Variants in SYT14 observed in about 807,000 individuals in gnomAD.
SYT14 encodes synaptotagmin 14.
In SYT14, 32 loss-of-function variants were observed where a neutral mutation model predicts 74.2. The ratio of observed to expected loss-of-function variants is 0.43; its 90% CI spans 0.33 to 0.58. SYT14 has a LOEUF of 0.58. Ranked by LOEUF, SYT14 falls within the 20% of genes least tolerant of loss-of-function variation. The probability of loss-of-function intolerance (pLI) is 0.05; values close to 1 mark genes in which losing one functional copy is unlikely to be tolerated. For missense variants in SYT14, 791 were observed against 981.8 expected (o/e 0.81, Z 2.60); for synonymous variants, 298 against 337.7 (o/e 0.88, Z 1.29).
At chr1:210,156,564 G>A (rs2083270794) in intron 8 of SYT14, among the ~76,000 whole-genome samples, 1 of 151,696 alleles carries the variant, frequency 6.6e-6, no homozygotes, top group Admixed American at 6.6e-5. Context: ...TTCTCTCTCT[G>A]GATCTCTCTC....
chr1:210,014,349 C>G (rs1226477517), intron 3 of SYT14, among the ~76,000 whole-genome samples: 1 of 151,038 alleles, frequency 6.6e-6, no homozygotes, highest in Admixed American at 6.6e-5. Flanking sequence ...TATAGTGTTA[C>G]TAGATACTAG....
At position 210,003,925 on chromosome 1, in the gene SYT14, C is replaced by T. The variant is rs1203576143; in HGVS notation, c.-485-9708C>T. ...AAATGCTGTTTCTGTTTGTTTTATT[C>T]TGCTTTTTAATTTTTTTTCCTTATT... On this transcript the variant is annotated intron_variant, in intron 2 of 9. Coordinates refer to ENST00000637265, the Ensembl canonical transcript of SYT14. Among the ~76,000 whole-genome samples the T allele has an allele frequency of 4.0e-5, 6 of 151,688 alleles. No individual in the cohort carries two copies. The East Asian group carries it at 1.2e-3, about 29-fold the overall frequency.
At chr1:210,038,804 C>T (rs1310480417) in intron 5 of SYT14, among the ~76,000 whole-genome samples, 1 of 152,018 alleles carries the variant, frequency 6.6e-6, no homozygotes, top group South Asian at 2.1e-4. Flanking sequence ...TTGGGATTTC[C>T]TTTATAGGTG....
intron 2 of SYT14, among the ~76,000 whole-genome samples, chr1:209,969,685 C>T (rs2079215250): frequency 6.6e-6 from 1 of 151,916 alleles, no homozygotes; most frequent in Non-Finnish European, 1.5e-5. Context: ...GACGGGGTTT[C>T]ACCGTGTTAG....
chr1:210,007,669 A>G lies in SYT14; in HGVS notation c.-485-5964A>G, dbSNP rs996195119. Among the ~76,000 whole-genome samples the G allele has an allele frequency of 2.6e-5, 4 of 152,228 alleles. No homozygotes were observed. In the East Asian group the frequency reaches 5.8e-4, roughly 22 times the overall value. On this transcript the variant is annotated intron_variant, in intron 2 of 9. Coordinates refer to ENST00000637265, the Ensembl canonical transcript of SYT14. ...TTGCACATAATATATATAGTGAGCT[A>G]TGTTACTTTGGTCATATAGCTTTTT...
At chr1:210,042,344 T>G (rs1366012160) in intron 5 of SYT14, among the ~76,000 whole-genome samples, 1 of 152,234 alleles carries the variant, frequency 6.6e-6, no homozygotes, top group Admixed American at 6.5e-5. Flanking sequence ...AAGTTTCTTT[T>G]GCTGTGCAGA....
At chr1:210,072,504 T>C (rs889060270) in intron 5 of SYT14, among the ~76,000 whole-genome samples, 1 of 152,020 alleles carries the variant, frequency 6.6e-6, no homozygotes, top group South Asian at 2.1e-4. Flanking sequence ...TATTATATTT[T>C]TCTACTAAAG....
At chr1:209,981,320 T>C (rs2079480254) in intron 2 of SYT14, among the ~76,000 whole-genome samples, 1 of 152,208 alleles carries the variant, frequency 6.6e-6, no homozygotes, top group African/African-American at 2.4e-5. Context: ...TTGGTGGTAA[T>C]GAATTTTCTT....
At chr1:209,947,472 G>C (rs192901523) in intron 1 of SYT14, among the ~76,000 whole-genome samples, 1 of 152,330 alleles carries the variant, frequency 6.6e-6, no homozygotes, top group Non-Finnish European at 1.5e-5. Flanking sequence ...AGTGGGGGAA[G>C]TCACTACAGA....
At chr1:210,046,376 G>T (rs557783483) in intron 5 of SYT14, among the ~76,000 whole-genome samples, 3 of 152,042 alleles carry the variant, frequency 2.0e-5, no homozygotes, top group Non-Finnish European at 4.4e-5. Context: ...TCAGTCTCAA[G>T]TAGAAAACAA....
Position 210,144,875 on chromosome 1 carries a change from G to T in SYT14, c.2035-10846G>T, listed in dbSNP as rs111759227. On this transcript the variant is annotated intron_variant, in intron 7 of 9. Transcript: ENST00000637265. Reference sequence around the variant, plus strand: ...ATATGCTGAGTGACCAATTTAAAAAGCTCACACTTCCCCCAGGTGTAAATG... The same window carrying T: ...ATATGCTGAGTGACCAATTTAAAAATCTCACACTTCCCCCAGGTGTAAATG... 1.6e-3 allele frequency among the ~76,000 whole-genome samples: 246 copies of T among 152,222 alleles called. 1 individual carries two copies. Among genetic ancestry groups the T allele is most frequent in the African/African-American group, 4.9e-3 (205 of 41,556 alleles).
chr1:210,052,563 T>C (rs1259437754), intron 5 of SYT14, among the ~76,000 whole-genome samples: 1 of 149,006 alleles, frequency 6.7e-6, no homozygotes, highest in Non-Finnish European at 1.5e-5. Context: ...CTCAGGAGGC[T>C]GACGCAGGAG....
intron 5 of SYT14, among the ~76,000 whole-genome samples, chr1:210,092,881 A>G (rs892970200): frequency 5.3e-5 from 8 of 152,238 alleles, no homozygotes; most frequent in African/African-American, 1.7e-4. Flanking sequence ...ACATTTACAT[A>G]GCATTCACAT....
intron 7 of SYT14, among the ~76,000 whole-genome samples, chr1:210,136,741 T>A (rs1387683303): frequency 1.3e-5 from 2 of 152,168 alleles, no homozygotes; most frequent in Non-Finnish European, 2.9e-5. Context: ...GGCGAAGACC[T>A]CACCGTAGCC....
intron 7 of SYT14, among the ~76,000 whole-genome samples, chr1:210,141,537 C>T (rs745461526): frequency 6.6e-6 from 1 of 152,208 alleles, no homozygotes; most frequent in Non-Finnish European, 1.5e-5. Flanking sequence ...CAAAGACATT[C>T]TCCTAGACTA....
chr1:210,166,052 A>G (rs999998071), exon 10 of SYT14: 2 of 152,234 alleles, frequency 1.3e-5, no homozygotes, highest in South Asian at 4.1e-4. Context: ...TAGTATAATG[A>G]AGCATTAAGA....
intron 5 of SYT14, among the ~76,000 whole-genome samples, chr1:210,045,563 C>T (rs190785043): frequency 3.3e-5 from 5 of 152,146 alleles, no homozygotes; most frequent in African/African-American, 7.2e-5. Flanking sequence ...TGAAAAGAGC[C>T]GCCTCCAGCC....
At chr1:210,009,284 A>G (rs539026191) in intron 2 of SYT14, among the ~76,000 whole-genome samples, 34 of 152,316 alleles carry the variant, frequency 2.2e-4, no homozygotes, top group Non-Finnish European at 4.1e-4. Context: ...AATAATAAAT[A>G]TTAGTTTAGT....
At chr1:209,968,306 A>C (rs1037265494) in intron 2 of SYT14, among the ~76,000 whole-genome samples, 6 of 151,900 alleles carry the variant, frequency 3.9e-5, no homozygotes, top group Non-Finnish European at 7.4e-5. Context: ...GGTGTTCTAC[A>C]GTATAAGGGT....
Sources: gnomAD v4.1 joint callset for allele counts (sites outside exome capture counted in the v4.1 genomes callset) on GRCh38, gnomAD v4.1.1 for gene constraint, MANE v1.5 for transcripts, NCBI Gene and HGNC (gene_info 2026-07-23, HGNC 2026-07-21) for gene names.